Variants in EXOC2 observed in about 807,000 individuals in gnomAD.
The protein encoded by EXOC2 is exocyst complex component 2, also known as SEC5-like 1.
Under a neutral mutation model 131.8 loss-of-function variants are expected in EXOC2, and 70 were observed. The observed-to-expected ratio is 0.53, with a 90% CI of 0.44 to 0.65. The LOEUF is 0.65. Among genes scored for constraint, EXOC2 ranks in the 30% least tolerant of loss-of-function variants. The pLI is 0.00. For synonymous variants in EXOC2, 411 were observed against 398.4 expected (o/e 1.03, Z -0.38); for missense variants, 923 against 1,108.6 (o/e 0.83, Z 2.38).
At chr6:670,940 C>A (rs1483595654) in intron 1 of EXOC2, among the ~76,000 whole-genome samples, 1 of 150,422 alleles carries the variant, frequency 6.6e-6, no homozygotes, top group Non-Finnish European at 1.5e-5. Context: ...TTCAGCCAGG[C>A]ACAGTGGTGC....
chr6:579,300 AT>A (rs1025671211), intron 11 of EXOC2, among the ~76,000 whole-genome samples: 6 of 152,062 alleles, frequency 3.9e-5, no homozygotes, highest in Admixed American at 3.9e-4. Context: ...TAAAAGATTG[AT>A]TTTTTTTCCT....
intron 23 of EXOC2, among the ~76,000 whole-genome samples, chr6:523,670 A>C (rs552898149): frequency 6.6e-6 from 1 of 152,244 alleles, no homozygotes; most frequent in African/African-American, 2.4e-5. Context: ...CCAAAGTATA[A>C]TCAGTTCTTT....
chr6:537,626 A>G (rs1766547811), intron 22 of EXOC2, among the ~76,000 whole-genome samples: 1 of 152,220 alleles, frequency 6.6e-6, no homozygotes, highest in Admixed American at 6.5e-5. Context: ...GAGTACAAAC[A>G]TCCACAAAGA....
chr6:585,976 G>C (rs546851220), intron 11 of EXOC2, among the ~76,000 whole-genome samples: 24 of 152,294 alleles, frequency 1.6e-4, no homozygotes, highest in African/African-American at 5.8e-4. Flanking sequence ...AATGTAGTAA[G>C]CTTTCATTTT....
Position 532,475 on chromosome 6 carries a change from G to A in EXOC2, c.2374C>T (p.Pro792Ser), listed in dbSNP as rs1581380576. 1 of 1,590,040 alleles carries A rather than the reference G, an allele frequency of 6.3e-7. No individual in the cohort carries two copies. The highest frequency in any genetic ancestry group is 1.7e-4 in the Middle Eastern group (1 of 5,950). Reference sequence around the variant, plus strand: ...AAGAAACTTTATTACTTACCTGTTGGAGGCAGGCAGTCCTTCCAATCAAAA... The same window carrying A: ...AAGAAACTTTATTACTTACCTGTTGAAGGCAGGCAGTCCTTCCAATCAAAA... The part of the protein sequence containing the change: ...GYFDWKDCLP[P>S]TGVRNYLKEA... The change falls in exon 23 of 28, where the codon CCA becomes TCA. Residue 792 changes from proline (P) to serine (S), a missense_variant. Transcript: ENST00000230449.
At chr6:668,356 A>G (rs1175464372) in intron 1 of EXOC2, among the ~76,000 whole-genome samples, 1 of 152,164 alleles carries the variant, frequency 6.6e-6, no homozygotes, top group African/African-American at 2.4e-5. Context: ...GTTGGCCTCC[A>G]GCATTCCAGA....
rs201428433 is a variant in EXOC2 at position 615,182 on chromosome 6, G to GGTGTGT, written c.661+2523_661+2528dup. Among the ~76,000 whole-genome samples, 335 of 121,104 alleles carry GGTGTGT rather than the reference G, an allele frequency of 2.8e-3. 4 individuals carry two copies. The highest frequency in any genetic ancestry group is 6.0e-3 in the African/African-American group (159 of 26,340). The allele number at this position is 121,104 out of a possible 152,430, so 79.4% of individuals were successfully genotyped here. ...GGTTTGAAAAGTATATGTGGGTGTG[G>GGTGTGT]GTGTGTGTGTGTGTGTGTGTGTGTG... On this transcript the variant is annotated intron_variant, in intron 6 of 27. Transcript: ENST00000230449.
intron 10 of EXOC2, among the ~76,000 whole-genome samples, chr6:596,881 A>T (rs1256591034): frequency 2.0e-5 from 3 of 152,232 alleles, no homozygotes; most frequent in Non-Finnish European, 4.4e-5. Flanking sequence ...GATATAAAAA[A>T]CTTAAAATTT....
intron 1 of EXOC2, among the ~76,000 whole-genome samples, chr6:671,711 C>A (rs539022509): frequency 3.3e-4 from 50 of 152,200 alleles, no homozygotes; most frequent in African/African-American, 1.1e-3. Flanking sequence ...TCACTGGATA[C>A]GGAATTCTAT....
chr6:532,066 A>G (rs1766117512), intron 23 of EXOC2, among the ~76,000 whole-genome samples: 2 of 152,228 alleles, frequency 1.3e-5, no homozygotes, highest in South Asian at 4.1e-4. Flanking sequence ...CCTTTACAGC[A>G]TCACTAATCA....
At position 576,212 on chromosome 6, in the gene EXOC2, C is replaced by A. The variant is rs543360991; in HGVS notation, c.1318+545G>T. 7.2e-5 allele frequency among the ~76,000 whole-genome samples: 11 copies of A among 152,158 alleles called. No individual in the cohort carries two copies. In the South Asian group the frequency reaches 2.3e-3, roughly 32 times the overall value. ...TGGCATCTAATTTGGTGCAAGAATGCCTGATAGTCGATCATGTTGTATCTC... is the reference window on the plus strand; with the variant it reads ...TGGCATCTAATTTGGTGCAAGAATGACTGATAGTCGATCATGTTGTATCTC... On this transcript the variant is annotated intron_variant, in intron 12 of 27. Transcript: ENST00000230449.
At chr6:689,704 T>C (rs914894064) in intron 1 of EXOC2, among the ~76,000 whole-genome samples, 11 of 152,238 alleles carry the variant, frequency 7.2e-5, no homozygotes, top group Non-Finnish European at 1.6e-4. Context: ...AATATATGTG[T>C]CAGGCATACA....
chr6:656,479 TCG>T (rs1661430010), intron 1 of EXOC2: 1 of 1,610,634 alleles, frequency 6.2e-7, no homozygotes, highest in Non-Finnish European at 8.5e-7. Flanking sequence ...AGGCGGATGC[TCG>T]CGTCGGAGGC....
intron 1 of EXOC2, among the ~76,000 whole-genome samples, chr6:685,869 C>CTCT (rs551129492): frequency 1.0e-5 from 1 of 98,240 alleles, no homozygotes; most frequent in Non-Finnish European, 2.1e-5. Flanking sequence ...TCCTGGACCT[C>CTCT]TTTTTTTTTT....
At chr6:613,448 A>G (rs1432792284) in intron 6 of EXOC2, among the ~76,000 whole-genome samples, 1 of 150,764 alleles carries the variant, frequency 6.6e-6, no homozygotes, top group African/African-American at 2.5e-5. Context: ...TAAAAAAAAG[A>G]AAGAAAGAAA....
intron 1 of EXOC2, among the ~76,000 whole-genome samples, chr6:649,671 T>C (rs1762743809): frequency 6.6e-6 from 1 of 152,258 alleles, no homozygotes; most frequent in Non-Finnish European, 1.5e-5. Flanking sequence ...CTTTTGATAA[T>C]GGCAACCTAT....
chr6:572,594 T>G lies in EXOC2; in HGVS notation c.1369A>C (p.Lys457Gln). 6.2e-7 allele frequency: 1 copy of G among 1,614,112 alleles called. No individual in the cohort carries two copies. Among genetic ancestry groups the G allele is most frequent in the South Asian group, 1.1e-5 (1 of 91,080 alleles). Residue 457 changes from lysine to glutamine, a missense_variant, in exon 13 of 28, where the codon AAA becomes CAA. Lys to Gln is a moderately conservative substitution (Grantham distance 53). Transcript: ENST00000230449. ...TTAGGCAGCTGGCTCAAGACGAGTT[T>G]TGTCAATTTTTCAACAAAGGCCACC... ...HRVAFVEKLT[K>Q]LVLSQLPNFW...
chr6:633,170 C>CTA, intron 2 of EXOC2, 53 bp from the exon 3 acceptor site: 1 of 1,573,068 alleles, frequency 6.4e-7, no homozygotes, highest in Non-Finnish European at 8.6e-7. Context: ...ACAATAAGAC[C>CTA]TTAATCGTGT....
Position 676,101 on chromosome 6 carries a change from A to G in EXOC2, c.-44+16918T>C, listed in dbSNP as rs202186851. ...CGACTGCGGTTCCCCATACTCTTCA[A>G]CATTACGGAAAGGACAGGTTCCTCT... On this transcript the variant is annotated intron_variant, in intron 1 of 27. Transcript: ENST00000230449. Among the ~76,000 whole-genome samples the G allele has an allele frequency of 4.1e-3, 265 of 64,940 alleles. 4 individuals are homozygous for G. Among genetic ancestry groups the G allele is most frequent in the African/African-American group, 9.3e-3 (183 of 19,618 alleles). 42.6% of individuals were successfully genotyped at this position (64,940 alleles called of 152,430 possible).
Sources: gnomAD v4.1 joint callset for allele counts (sites outside exome capture counted in the v4.1 genomes callset) on GRCh38, gnomAD v4.1.1 for gene constraint, MANE v1.5 for transcripts, NCBI Gene and HGNC (gene_info 2026-07-23, HGNC 2026-07-21) for gene names.